The following TNFAIP8 variants were observed in gnomAD, a reference collection of about 807,000 sequenced individuals.
TNFAIP8 encodes TNF alpha induced protein 8.
TNFAIP8 carries 7 observed loss-of-function variants against 13.3 expected under a neutral mutation model. That is an observed-to-expected ratio of 0.52 (90% CI 0.30 to 0.99). The LOEUF is 0.99. Ranked by LOEUF, TNFAIP8 falls within the 50% of genes least tolerant of loss-of-function variation. The pLI, the probability that TNFAIP8 is intolerant of heterozygous loss-of-function variation, is 0.07. For synonymous variants in TNFAIP8, 94 were observed against 87.6 expected (o/e 1.07, Z -0.41); for missense variants, 258 against 236.9 (o/e 1.09, Z -0.58).
intron 1 of TNFAIP8, among the ~76,000 whole-genome samples, chr5:119,274,090 A>G (rs545220700): frequency 1.3e-5 from 2 of 152,264 alleles, no homozygotes; most frequent in African/African-American, 4.8e-5. Context: ...TAGGGGAGAC[A>G]GAGATTGTGG....
chr5:119,393,281 A>T lies in TNFAIP8; in HGVS notation c.497A>T (p.Glu166Val). The T allele has an allele frequency of 5.0e-6, 8 of 1,613,974 alleles. No homozygotes were observed. Among genetic ancestry groups the T allele is most frequent in the Non-Finnish European group, 6.8e-6 (8 of 1,179,876 alleles). The change falls in exon 2 of 2, where the codon GAA becomes GTA. Residue 166 changes from glutamate to valine, a missense_variant. Transcript: ENST00000504771. ...NNVFDHFSDCEFLAALYNPFG... is the reference protein window; with the variant it reads ...NNVFDHFSDCVFLAALYNPFG... ...GTGTTTGATCATTTTTCAGATTGTG[A>T]ATTTTTGGCTGCCTTGTATAATCCT...
intron 1 of TNFAIP8, among the ~76,000 whole-genome samples, chr5:119,324,190 A>G (rs4895367): frequency 6.8e-6 from 1 of 147,634 alleles, no homozygotes; most frequent in East Asian, 2.0e-4. Context: ...CAGGAAAATC[A>G]CCTGAACCCA....
At chr5:119,379,077 A>AT (rs1752388690) in intron 1 of TNFAIP8, among the ~76,000 whole-genome samples, 1 of 152,032 alleles carries the variant, frequency 6.6e-6, no homozygotes, top group African/African-American at 2.4e-5. Flanking sequence ...AAATAAATAA[A>AT]ACAAAAGATA....
intron 1 of TNFAIP8, among the ~76,000 whole-genome samples, chr5:119,276,127 C>CT (rs1365610051): frequency 3.7e-5 from 5 of 135,558 alleles, no homozygotes; most frequent in African/African-American, 1.1e-4. Context: ...TTTTTTTTTT[C>CT]TTTTTTTTGA....
upstream of TNFAIP8, chr5:119,355,860 C>A (rs939156690): frequency 9.0e-7 from 1 of 1,115,562 alleles, no homozygotes; most frequent in East Asian, 5.3e-5. Context: ...CGCGCGGCTC[C>A]GGGGGCGGAC....
At chr5:119,374,243 A>G (rs1003853719) in intron 1 of TNFAIP8, among the ~76,000 whole-genome samples, 2 of 152,064 alleles carry the variant, frequency 1.3e-5, no homozygotes, top group Non-Finnish European at 2.9e-5. Context: ...CTGGTTGAGC[A>G]TCCTATATCC....
intron 1 of TNFAIP8, among the ~76,000 whole-genome samples, chr5:119,360,920 C>G (rs957434386): frequency 6.6e-6 from 1 of 152,180 alleles, no homozygotes; most frequent in Non-Finnish European, 1.5e-5. Flanking sequence ...CCTATTAGAT[C>G]CCGGATTTTG....
At chr5:119,291,172 C>G (rs1748975722) in intron 1 of TNFAIP8, among the ~76,000 whole-genome samples, 1 of 152,160 alleles carries the variant, frequency 6.6e-6, no homozygotes, top group African/African-American at 2.4e-5. Context: ...CTACCTTGTA[C>G]TATTTAACTT....
chr5:119,393,606 G>A lies in TNFAIP8; in HGVS notation c.*225G>A. 1 of 512,154 alleles carries A rather than the reference G, an allele frequency of 2.0e-6. No homozygotes were observed. 31.7% of individuals were successfully genotyped at this position (512,154 alleles called of 1,614,324 possible). ...AGCTTCCTAACGGGTAACAGACCAT[G>A]GGAGAGATATGTGGTTGGGTAATGC... On this transcript the variant is annotated 3_prime_UTR_variant, in exon 2 of 2. Transcript: ENST00000504771.
rs193087560 is a variant in TNFAIP8, at chr5:119,395,493, C to T, written c.*2112C>T. ...TACGGAGGGAGAAATCTGGATCTCT[C>T]TGGACACACTGGATCATAGGGTTGT... On this transcript the variant is annotated 3_prime_UTR_variant, in exon 2 of 2. Coordinates refer to ENST00000504771, the MANE Select transcript of TNFAIP8 (RefSeq NM_014350.4). 2 of 152,372 alleles carry T rather than the reference C, an allele frequency of 1.3e-5. No individual in the cohort carries two copies. Among genetic ancestry groups the T allele is most frequent in the Non-Finnish European group, 2.9e-5 (2 of 68,100 alleles). 9.4% of individuals were successfully genotyped at this position (152,372 alleles called of 1,614,324 possible).
At chr5:119,296,424 A>G (rs900282414) in intron 1 of TNFAIP8, among the ~76,000 whole-genome samples, 1 of 152,018 alleles carries the variant, frequency 6.6e-6, no homozygotes, top group African/African-American at 2.4e-5. Flanking sequence ...ATGCTGGATT[A>G]CATTTATTGA....
chr5:119,322,974 C>A (rs899220121), intron 1 of TNFAIP8, among the ~76,000 whole-genome samples: 4 of 152,166 alleles, frequency 2.6e-5, no homozygotes, highest in African/African-American at 9.7e-5. Context: ...AGTCAATGAC[C>A]CAGGTAACTA....
intron 1 of TNFAIP8, among the ~76,000 whole-genome samples, chr5:119,380,220 A>G (rs929150120): frequency 6.6e-6 from 1 of 152,258 alleles, no homozygotes; most frequent in Admixed American, 6.5e-5. Context: ...AATATCTTGC[A>G]AACTGTAGAG....
chr5:119,322,073 GCTCT>G (rs541218036), intron 1 of TNFAIP8, among the ~76,000 whole-genome samples: 1 of 151,914 alleles, frequency 6.6e-6, no homozygotes, highest in Non-Finnish European at 1.5e-5. Flanking sequence ...TTGTTCCTTG[GCTCT>G]CTCTCTAATT....
chr5:119,378,951 C>G (rs1752384055), intron 1 of TNFAIP8, among the ~76,000 whole-genome samples: 1 of 152,082 alleles, frequency 6.6e-6, no homozygotes, highest in South Asian at 2.1e-4. Flanking sequence ...GTAATCCTAG[C>G]TACTCAGGAG....
At chr5:119,384,743 A>G (rs1752608611) in intron 1 of TNFAIP8, among the ~76,000 whole-genome samples, 1 of 152,176 alleles carries the variant, frequency 6.6e-6, no homozygotes, top group Non-Finnish European at 1.5e-5. Context: ...GCTTTATACT[A>G]ACATCACCAA....
chr5:119,294,859 A>C (rs1354062875), intron 1 of TNFAIP8, among the ~76,000 whole-genome samples: 1 of 151,784 alleles, frequency 6.6e-6, no homozygotes, highest in Non-Finnish European at 1.5e-5. Flanking sequence ...GTGTCTGTTC[A>C]TGTCCTTTGC....
At chr5:119,292,685 T>TATATATATACACAC (rs1470227218) in intron 1 of TNFAIP8, among the ~76,000 whole-genome samples, 2 of 52,340 alleles carry the variant, frequency 3.8e-5, no homozygotes, top group East Asian at 7.5e-4. Context: ...TATATATATA[T>TATATATATACACAC]ACACACACAC....
At chr5:119,320,546 C>G (rs1750023957) in intron 1 of TNFAIP8, among the ~76,000 whole-genome samples, 1 of 152,148 alleles carries the variant, frequency 6.6e-6, no homozygotes, top group African/African-American at 2.4e-5. Flanking sequence ...CTCCACTACT[C>G]CTCAAAAACC....
Sources: allele counts gnomAD v4.1 joint callset (sites outside exome capture counted in the v4.1 genomes callset), GRCh38; gene constraint gnomAD v4.1.1; transcripts MANE v1.5; gene names NCBI Gene and HGNC (gene_info 2026-07-23, HGNC 2026-07-21).